The following NCALD variants were observed in gnomAD, a reference collection of about 807,000 sequenced individuals.
NCALD encodes the protein neurocalcin delta, also known as neurocalcin-delta.
In NCALD, 10 loss-of-function variants were observed where a neutral mutation model predicts 18.6. The ratio of observed to expected loss-of-function variants is 0.54; its 90% CI spans 0.33 to 0.91. The LOEUF (loss-of-function observed/expected upper bound fraction) is 0.91, where lower values mean the gene tolerates loss of function less well. NCALD is among the 40% of genes least tolerant of loss of function. The pLI, the probability that NCALD is intolerant of heterozygous loss-of-function variation, is 0.03. For missense variants in NCALD, 184 were observed against 247.6 expected, an observed-to-expected ratio of 0.74 and a Z score of 1.72; for synonymous variants, 88 against 87.4, an observed-to-expected ratio of 1.01 and a Z score of -0.04.
chr8:101,805,274 A>G (rs956092714), intron 4 of NCALD, among the ~76,000 whole-genome samples: 5 of 152,198 alleles, frequency 3.3e-5, no homozygotes, highest in African/African-American at 9.7e-5. Flanking sequence ...CCTTGAGAAG[A>G]TGTGGCCAAT....
chr8:101,769,249 A>G (rs1340040471), intron 1 of NCALD, among the ~76,000 whole-genome samples: 1 of 152,178 alleles, frequency 6.6e-6, no homozygotes, highest in Non-Finnish European at 1.5e-5. Context: ...GCAGTAGAAA[A>G]CTAATACAAT....
At position 101,935,075 on chromosome 8, in the gene NCALD, C is replaced by T. The variant is rs190787045; in HGVS notation, c.-156-19217G>A. On this transcript the variant is annotated intron_variant, in intron 2 of 6. Coordinates refer to the NCALD transcript ENST00000311028. ...AATTAAAGACATCTGAAAGCAGATG[C>T]GCTAGAGAAAGAAGTGGGAATAGTC... Among the ~76,000 whole-genome samples the T allele has an allele frequency of 4.4e-3, 674 of 151,958 alleles. 5 individuals are homozygous for T. Among genetic ancestry groups the T allele is most frequent in the African/African-American group, 0.016 (654 of 41,420 alleles).
intron 1 of NCALD, among the ~76,000 whole-genome samples, chr8:102,108,916 C>T (rs1178979107): frequency 1.3e-5 from 2 of 152,152 alleles, no homozygotes; most frequent in East Asian, 3.8e-4. Context: ...AATGAACTAT[C>T]GGATTGGAAA....
chr8:102,075,402 T>C (rs1377861181), intron 1 of NCALD, among the ~76,000 whole-genome samples: 1 of 152,188 alleles, frequency 6.6e-6, no homozygotes, highest in Non-Finnish European at 1.5e-5. Flanking sequence ...TTCTCAGGAC[T>C]TGATGGGACA....
At chr8:102,036,281 G>A (rs1028927092) in intron 1 of NCALD, among the ~76,000 whole-genome samples, 6 of 151,486 alleles carry the variant, frequency 4.0e-5, no homozygotes, top group Admixed American at 1.3e-4. Flanking sequence ...TCTAACCACT[G>A]CACTCCAGAC....
chr8:101,817,449 G>A (rs1485674672), intron 4 of NCALD, among the ~76,000 whole-genome samples: 2 of 152,142 alleles, frequency 1.3e-5, no homozygotes, highest in East Asian at 3.9e-4. Context: ...TGTCCGCACA[G>A]TTTCCAAGCC....
chr8:101,986,378 C>T (rs1042829730), intron 2 of NCALD: 1 of 152,266 alleles, frequency 6.6e-6, no homozygotes, highest in Non-Finnish European at 1.5e-5. Flanking sequence ...ACTATGGCTT[C>T]GCCTTGAACT....
chr8:101,789,214 G>A (rs1055590922), intron 1 of NCALD, among the ~76,000 whole-genome samples: 1 of 152,102 alleles, frequency 6.6e-6, no homozygotes, highest in Non-Finnish European at 1.5e-5. Context: ...GGTGCTACTG[G>A]TCTTATCTGT....
intron 3 of NCALD, among the ~76,000 whole-genome samples, chr8:101,910,854 G>A (rs1483504240): frequency 2.0e-5 from 3 of 152,124 alleles, no homozygotes; most frequent in Non-Finnish European, 4.4e-5. Flanking sequence ...CCACCACAGG[G>A]CAACGACCCT....
chr8:101,701,079 A>G (rs1815243122), intron 2 of NCALD, among the ~76,000 whole-genome samples: 1 of 152,216 alleles, frequency 6.6e-6, no homozygotes, highest in Admixed American at 6.5e-5. Context: ...CGAGGTGACG[A>G]GTCCCAATGG....
chr8:101,838,883 CAT>C (rs1814524599), intron 4 of NCALD, among the ~76,000 whole-genome samples: 1 of 152,184 alleles, frequency 6.6e-6, no homozygotes, highest in African/African-American at 2.4e-5. Context: ...TGAAGTAAAA[CAT>C]ATGTTAGATC....
chr8:101,915,069 TAACTC>T (rs1369385612), intron 3 of NCALD, among the ~76,000 whole-genome samples: 3 of 152,230 alleles, frequency 2.0e-5, no homozygotes, highest in African/African-American at 7.2e-5. Flanking sequence ...TTGAAAATAT[TAACTC>T]ATTTAATCCT....
intron 1 of NCALD, among the ~76,000 whole-genome samples, chr8:102,069,245 T>C (rs1165204834): frequency 6.6e-6 from 1 of 152,188 alleles, no homozygotes; most frequent in Admixed American, 6.5e-5. Flanking sequence ...GTTCATTAGT[T>C]ATATTTAATT....
intron 4 of NCALD, among the ~76,000 whole-genome samples, chr8:101,797,276 C>T (rs1812672183): frequency 6.6e-6 from 1 of 152,092 alleles, no homozygotes; most frequent in Non-Finnish European, 1.5e-5. Flanking sequence ...TATATACCGC[C>T]AAAAGGATAA....
intron 1 of NCALD, among the ~76,000 whole-genome samples, chr8:102,109,950 C>A (rs1173095509): frequency 3.9e-5 from 6 of 152,214 alleles, no homozygotes; most frequent in South Asian, 4.2e-4. Context: ...TATCAATTTT[C>A]TAAATTATTT....
At chr8:101,697,979 A>G (rs945019533) in intron 2 of NCALD, among the ~76,000 whole-genome samples, 2 of 152,162 alleles carry the variant, frequency 1.3e-5, no homozygotes, top group East Asian at 3.9e-4. Flanking sequence ...TATTCAAATA[A>G]GAAGAGAGGA....
intron 3 of NCALD, among the ~76,000 whole-genome samples, chr8:101,898,390 A>T (rs114745254): frequency 0.042 from 6,417 of 151,508 alleles, 376 homozygotes; most frequent in African/African-American, 0.12. Flanking sequence ...TTGTTTTTTT[A>T]AAAAAATGTT....
At chr8:101,800,993 G>A (rs1334038415) in intron 4 of NCALD, among the ~76,000 whole-genome samples, 2 of 142,988 alleles carry the variant, frequency 1.4e-5, no homozygotes, top group African/African-American at 5.3e-5. Context: ...GGGGAGAAGA[G>A]GAAGGAAAGA....
At chr8:101,964,918 G>A (rs1318457840) in intron 2 of NCALD, among the ~76,000 whole-genome samples, 2 of 152,096 alleles carry the variant, frequency 1.3e-5, no homozygotes. Flanking sequence ...TGTTAGGAAT[G>A]CCCACTTCTT....
Sources: allele counts gnomAD v4.1 joint callset (sites outside exome capture counted in the v4.1 genomes callset), GRCh38; gene constraint gnomAD v4.1.1; transcripts MANE v1.5; gene names NCBI Gene and HGNC (gene_info 2026-07-23, HGNC 2026-07-21).